Variants in HADHA observed in about 807,000 individuals in gnomAD.
HADHA encodes the protein trifunctional enzyme subunit alpha, mitochondrial.
In HADHA, 59 loss-of-function variants were observed where a neutral mutation model predicts 91.3. The ratio of observed to expected loss-of-function variants is 0.65; its 90% CI spans 0.52 to 0.80. HADHA has a LOEUF of 0.80. Ranked by LOEUF, HADHA falls within the 30% of genes least tolerant of loss-of-function variation. The probability of loss-of-function intolerance (pLI) is 0.00; values close to 1 mark genes in which losing one functional copy is unlikely to be tolerated. For missense variants in HADHA, 800 were observed against 927.6 expected, an observed-to-expected ratio of 0.86 and a Z score of 1.79; for synonymous variants, 320 against 338.9, an observed-to-expected ratio of 0.94 and a Z score of 0.61.
rs1670376594 is a variant in HADHA at position 26,221,567 on chromosome 2, G to A, written c.677-6392C>T. On this transcript the variant is annotated intron_variant, in intron 7 of 19. Coordinates refer to ENST00000380649, the MANE Select transcript of HADHA (RefSeq NM_000182.5). This position sits in a 1 kb window ranked among gnomAD's most constrained non-coding sequence, Gnocchi z 4.8. ...AATGGAAGTGGTATATGTAAGACTG[G>A]GCTTAAACAGACCCTAAAGGCACAA... Among the ~76,000 whole-genome samples the A allele has an allele frequency of 6.6e-6, 1 of 152,140 alleles. No homozygotes were observed. Among genetic ancestry groups the A allele is most frequent in the African/African-American group, 2.4e-5 (1 of 41,424 alleles).
At position 26,191,524 on chromosome 2, in the gene HADHA, A is replaced by G. The variant is rs1172276448; in HGVS notation, c.2105T>C (p.Ile702Thr). The G allele has an allele frequency of 6.2e-7, 1 of 1,614,056 alleles. No homozygotes were observed. Among genetic ancestry groups the G allele is most frequent in the Admixed American group, 1.7e-5 (1 of 60,006 alleles). The change falls in exon 19 of 20, where the codon ATC (isoleucine) becomes ACC (threonine). Residue 702 changes from isoleucine (I) to threonine (T), a missense_variant. By Grantham distance (89) the Ile-to-Thr change is moderately conservative. Transcript: ENST00000380649. ...GILATPAEGD[I>T]GAVFGLGFPP... ...GAAGCCAAGCCCAAAGACGGCTCCG[A>G]TGTCTCCCTCTGCAGGTGTGGCCAA...
rs143414408 is a variant in HADHA at position 26,214,489 on chromosome 2, C to T, written c.872G>A (p.Arg291Gln). The T allele has an allele frequency of 2.7e-5, 43 of 1,605,500 alleles. No individual in the cohort carries two copies. The African/African-American group carries it at 2.9e-4, about 11-fold the overall frequency. The change falls in exon 9 of 20, where the codon CGA becomes CAA. Residue 291 changes from arginine to glutamine, a missense_variant. Arg to Gln is a conservative substitution (Grantham distance 43). Transcript: ENST00000380649. This position sits in a 1 kb window ranked among gnomAD's most constrained non-coding sequence, Gnocchi z 4.1. ...QVYKKVEEKV[R>Q]KQTKGLYPAP... ...AGGATAAAGGCCTTTAGTCTGCTTT[C>T]GCACTTTTTCTTCCACTTTTTTGTA...
intron 1 of HADHA, among the ~76,000 whole-genome samples, chr2:26,242,425 T>C (rs547056538): frequency 3.9e-5 from 6 of 152,318 alleles, no homozygotes; most frequent in African/African-American, 1.4e-4. Flanking sequence ...CAATGCAAAG[T>C]ATATATTTAT....
chr2:26,232,408 C>G, intron 5 of HADHA, 129 bp from the exon 6 acceptor site: 1 of 704,768 alleles, frequency 1.4e-6, no homozygotes, highest in Non-Finnish European at 2.5e-6. Context: ...ATTCCTTAGG[C>G]TGGCATTTAA....
chr2:26,239,338 G>A lies in HADHA; in HGVS notation c.68-195C>T, dbSNP rs545975588. The stretch of plus-strand genomic sequence containing the variant: ...TCAGATGATTATTTGGATACTAAAA[G>A]AGGAAGACTGGCCCCCACAAAGGGA... On this transcript the variant is annotated intron_variant, in intron 1 of 19. Transcript: ENST00000380649. Among the ~76,000 whole-genome samples the A allele has an allele frequency of 3.9e-5, 6 of 152,312 alleles. No homozygotes were observed. The East Asian group carries it at 1.2e-3, about 29-fold the overall frequency.
intron 6 of HADHA, among the ~76,000 whole-genome samples, 171 bp from the exon 7 acceptor site, chr2:26,230,465 G>C (rs1290862441): frequency 6.6e-6 from 1 of 152,146 alleles, no homozygotes; most frequent in Non-Finnish European, 1.5e-5. Context: ...ATATACACTT[G>C]GGTAACTTTG....
chr2:26,227,975 C>T (rs1394426284), intron 7 of HADHA, among the ~76,000 whole-genome samples: 1 of 151,918 alleles, frequency 6.6e-6, no homozygotes, highest in African/African-American at 2.4e-5. Flanking sequence ...GCCACCACAC[C>T]CAACTAGTTA....
chr2:26,216,122 A>G (rs1183543078), intron 7 of HADHA, among the ~76,000 whole-genome samples: 2 of 152,290 alleles, frequency 1.3e-5, no homozygotes, highest in East Asian at 3.9e-4. Flanking sequence ...GAATCCAAAG[A>G]ACACAATTTA....
chr2:26,214,555 G>C lies in HADHA; in HGVS notation c.806C>G (p.Thr269Arg). The change falls in exon 9 of 20, where the codon ACA becomes AGA. Residue 269 changes from threonine to arginine, a missense_variant. Transcript: ENST00000380649. The surrounding 1 kb of genome is among the most constrained non-coding windows in gnomAD (Gnocchi z 4.1). ...KRDKGLVEKL[T>R]AYAMTIPFVR... Reference sequence around the variant, plus strand: ...AAATGGAATAGTCATGGCATACGCTGTCAATTCTGTAAAATAAAATGCTTT... The same window carrying C: ...AAATGGAATAGTCATGGCATACGCTCTCAATTCTGTAAAATAAAATGCTTT... 7 of 1,533,142 alleles carry C rather than the reference G, an allele frequency of 4.6e-6. No individual in the cohort carries two copies. Among genetic ancestry groups the C allele is most frequent in the Non-Finnish European group, 6.3e-6 (7 of 1,106,266 alleles). 95.0% of individuals were successfully genotyped at this position (1,533,142 alleles called of 1,614,324 possible). A position where few individuals can be genotyped will look rare whatever the true frequency, so the allele number is the denominator to read the frequency against.
At position 26,214,925 on chromosome 2, in the gene HADHA, T is replaced by C; in HGVS notation, c.799+128A>G. On this transcript the variant is annotated intron_variant, in intron 8 of 19. Coordinates refer to ENST00000380649, the MANE Select transcript of HADHA (RefSeq NM_000182.5). The surrounding 1 kb of genome is among the most constrained non-coding windows in gnomAD (Gnocchi z 4.1). The stretch of plus-strand genomic sequence containing the variant: ...AAAGTTGAGGAGTTGTTACATCTCC[T>C]ACCTAAGGCTGACTTTATGCTTTGA... 1 of 922,864 alleles carries C rather than the reference T, an allele frequency of 1.1e-6. No individual in the cohort carries two copies. 57.2% of individuals were successfully genotyped at this position (922,864 alleles called of 1,614,324 possible).
At chr2:26,216,057 G>A (rs1211597559) in intron 7 of HADHA, among the ~76,000 whole-genome samples, 1 of 152,164 alleles carries the variant, frequency 6.6e-6, no homozygotes, top group East Asian at 1.9e-4. Context: ...TGACACAGGA[G>A]GATTGCTCAA....
At chr2:26,243,474 G>A (rs1288514425) in intron 1 of HADHA, among the ~76,000 whole-genome samples, 2 of 151,562 alleles carry the variant, frequency 1.3e-5, no homozygotes, top group Admixed American at 1.3e-4. Context: ...GTTATAATTG[G>A]CAAATACATG....
In HADHA at chr2:26,229,236, G is replaced by A. The variant is rs1019549946; in HGVS notation, c.676+956C>T. ...GCCTGTGGTCTCAGCTACTCGGGGG[G>A]CACAAGTGGGAAGATCATTTGAGCC... On this transcript the variant is annotated intron_variant, in intron 7 of 19. Transcript: ENST00000380649. The surrounding 1 kb of genome is among the most constrained non-coding windows in gnomAD (Gnocchi z 4.3). Among the ~76,000 whole-genome samples, 2 of 151,940 alleles carry A rather than the reference G, an allele frequency of 1.3e-5. No homozygotes were observed. The highest frequency in any genetic ancestry group is 2.1e-4 in the South Asian group (1 of 4,818).
chr2:26,221,743 G>A lies in HADHA; in HGVS notation c.677-6568C>T, dbSNP rs1670379810. On this transcript the variant is annotated intron_variant, in intron 7 of 19. Coordinates refer to ENST00000380649, the MANE Select transcript of HADHA (RefSeq NM_000182.5). This position sits in a 1 kb window ranked among gnomAD's most constrained non-coding sequence, Gnocchi z 4.8. ...GTTTGTAGATATTTCTGTGTGATAC[G>A]CAGGTACCACCTGGAAGTGCACAGC... 6.6e-6 allele frequency among the ~76,000 whole-genome samples: 1 copy of A among 152,186 alleles called. No homozygotes were observed. The highest frequency in any genetic ancestry group is 1.5e-5 in the Non-Finnish European group (1 of 68,034).
At chr2:26,192,697 T>C (rs573637170) in intron 17 of HADHA, among the ~76,000 whole-genome samples, 55 of 151,996 alleles carry the variant, frequency 3.6e-4, no homozygotes, top group African/African-American at 1.3e-3. Flanking sequence ...ATTATGCCAC[T>C]GCACTCCAGC....
At position 26,214,413 on chromosome 2, in the gene HADHA, A is replaced by C. The variant is rs1670168929; in HGVS notation, c.918+30T>G. The C allele has an allele frequency of 1.4e-5, 14 of 1,016,744 alleles. No homozygotes were observed. The highest frequency in any genetic ancestry group is 2.2e-5 in the Non-Finnish European group (14 of 635,442). 63.0% of individuals were successfully genotyped at this position (1,016,744 alleles called of 1,614,324 possible). ...GATCTATATAAAGGAAGGAAATATG[A>C]GAAAAGTGGGAATATTGGGTAAGAC... On this transcript the variant is annotated intron_variant, in intron 9 of 19. Coordinates refer to ENST00000380649, the MANE Select transcript of HADHA (RefSeq NM_000182.5). The surrounding 1 kb of genome is among the most constrained non-coding windows in gnomAD (Gnocchi z 4.1).
At chr2:26,241,062 G>A (rs1357572730) in intron 1 of HADHA, among the ~76,000 whole-genome samples, 3 of 152,172 alleles carry the variant, frequency 2.0e-5, no homozygotes, top group Non-Finnish European at 4.4e-5. Context: ...TTACCCTATG[G>A]CAGCTGAGTG....
chr2:26,203,723 T>C (rs1390248245), intron 12 of HADHA, among the ~76,000 whole-genome samples: 3 of 152,206 alleles, frequency 2.0e-5, no homozygotes, highest in African/African-American at 7.2e-5. Flanking sequence ...CTGCAAACTA[T>C]ATCAAAATCC....
At chr2:26,213,771 G>A (rs1255399799) in intron 9 of HADHA, among the ~76,000 whole-genome samples, 1 of 152,132 alleles carries the variant, frequency 6.6e-6, no homozygotes, top group Non-Finnish European at 1.5e-5. Context: ...CCCCAGTCCA[G>A]CCTGTGAGAC....
Sources: allele counts gnomAD v4.1 joint callset (sites outside exome capture counted in the v4.1 genomes callset), GRCh38; gene constraint gnomAD v4.1.1; non-coding constraint Gnocchi (gnomAD v3.1); transcripts MANE v1.5; gene names NCBI Gene and HGNC (gene_info 2026-07-23, HGNC 2026-07-21).